The following PTPRD variants were observed in gnomAD, a reference collection of about 807,000 sequenced individuals.
PTPRD encodes protein tyrosine phosphatase receptor type D.
PTPRD carries 34 observed loss-of-function variants against 214.5 expected under a neutral mutation model. The observed-to-expected ratio is 0.16, with a 90% CI of 0.12 to 0.21. PTPRD has a LOEUF of 0.21. PTPRD is among the 10% of genes least tolerant of loss of function. The probability of loss-of-function intolerance (pLI) is 1.00; values close to 1 mark genes in which losing one functional copy is unlikely to be tolerated. For missense variants in PTPRD, 2,545 were observed against 2,398.7 expected (o/e 1.06, Z -1.27); for synonymous variants, 1,128 against 845.7 (o/e 1.33, Z -5.79).
intron 7 of PTPRD, among the ~76,000 whole-genome samples, chr9:9,620,051 AC>A (rs1231702385): frequency 2.6e-5 from 4 of 151,856 alleles, no homozygotes; most frequent in Admixed American, 2.0e-4. Context: ...GGCATTGTTA[AC>A]CTTGTATGGT....
intron 10 of PTPRD, among the ~76,000 whole-genome samples, chr9:9,158,164 T>G (rs1396519928): frequency 6.6e-6 from 1 of 152,204 alleles, no homozygotes; most frequent in Non-Finnish European, 1.5e-5. Context: ...TTGTAAATAG[T>G]GCTGCAGTGA....
Position 9,042,614 on chromosome 9 carries a change from C to CTTTT in PTPRD, c.-142-23883_-142-23880dup, listed in dbSNP as rs775574124. On this transcript the variant is annotated intron_variant, in intron 10 of 45. Transcript: ENST00000381196. Reference sequence around the variant, plus strand: ...CCACTTAGCATTTTTTCTTTTTTTTCTTTTCTTTTTTTTTTTTTTTGGTCT... The same window carrying CTTTT: ...CCACTTAGCATTTTTTCTTTTTTTTCTTTTTTTTCTTTTTTTTTTTTTTTGGTCT... 8.0e-5 allele frequency among the ~76,000 whole-genome samples: 9 copies of CTTTT among 112,440 alleles called. 1 individual carries two copies. Among genetic ancestry groups the CTTTT allele is most frequent in the African/African-American group, 1.8e-4 (5 of 27,592 alleles). 73.8% of individuals were successfully genotyped at this position (112,440 alleles called of 152,430 possible).
intron 8 of PTPRD, among the ~76,000 whole-genome samples, chr9:9,458,146 C>T (rs1158330046): frequency 6.6e-6 from 1 of 151,844 alleles, no homozygotes; most frequent in Non-Finnish European, 1.5e-5. Flanking sequence ...GTTTTCAGAG[C>T]ATAGAAGTTC....
Position 8,443,905 on chromosome 9 carries a change from T to G in PTPRD, c.3988+5820A>C, listed in dbSNP as rs187350487. Among the ~76,000 whole-genome samples, 7 of 152,290 alleles carry G rather than the reference T, an allele frequency of 4.6e-5. No homozygotes were observed. In the East Asian group the frequency reaches 1.2e-3, roughly 25 times the overall value. On this transcript the variant is annotated intron_variant, in intron 34 of 45. Transcript: ENST00000381196. The stretch of plus-strand genomic sequence containing the variant: ...AAATGAACACATATTAGTAATTTGT[T>G]TGGTTTTCTTATATATCACCATCTT...
At chr9:8,520,546 T>G (rs2138771805) in intron 20 of PTPRD, among the ~76,000 whole-genome samples, 1 of 152,254 alleles carries the variant, frequency 6.6e-6, no homozygotes, top group South Asian at 2.1e-4. Context: ...TGCAGAAAAC[T>G]TAAGTTGCCC....
At chr9:8,377,985 C>G (rs557630047) in intron 37 of PTPRD, among the ~76,000 whole-genome samples, 31 of 152,122 alleles carry the variant, frequency 2.0e-4, no homozygotes, top group Non-Finnish European at 3.5e-4. Context: ...TACAGAATTT[C>G]CCAGACAAGA....
chr9:8,723,902 G>C (rs933927953), intron 12 of PTPRD, among the ~76,000 whole-genome samples: 4 of 152,144 alleles, frequency 2.6e-5, no homozygotes, highest in Admixed American at 1.3e-4. Flanking sequence ...TAAGTACTTA[G>C]TGTATCTTAA....
At chr9:9,827,708 G>A (rs913086097) in intron 5 of PTPRD, among the ~76,000 whole-genome samples, 5 of 152,084 alleles carry the variant, frequency 3.3e-5, no homozygotes, top group African/African-American at 1.2e-4. Flanking sequence ...ACTATCATCA[G>A]AATGAACAGA....
At chr9:8,401,667 TC>T (rs1364772876) in intron 36 of PTPRD, among the ~76,000 whole-genome samples, 1 of 152,172 alleles carries the variant, frequency 6.6e-6, no homozygotes, top group Non-Finnish European at 1.5e-5. Flanking sequence ...TTTTAATTTT[TC>T]CCTGTTATTC....
At chr9:9,258,895 T>C (rs530710259) in intron 9 of PTPRD, among the ~76,000 whole-genome samples, 8 of 152,070 alleles carry the variant, frequency 5.3e-5, no homozygotes, top group Non-Finnish European at 1.0e-4. Flanking sequence ...AACGGATATC[T>C]AATTTTTTTA....
rs138672714 is a variant in PTPRD at position 9,593,938 on chromosome 9, A to G, written c.-286-19157T>C. 6.4e-4 allele frequency among the ~76,000 whole-genome samples: 97 copies of G among 152,176 alleles called. No individual in the cohort carries two copies. The East Asian group carries it at 0.019, about 29-fold the overall frequency. On this transcript the variant is annotated intron_variant, in intron 7 of 45. Transcript: ENST00000381196. ...ACTCTAATTTCAGAAGATCTCAGAT[A>G]TCTGTAACCTGAGAAAAGGGGATTG...
chr9:9,252,857 C>G (rs912963142), intron 9 of PTPRD, among the ~76,000 whole-genome samples: 6 of 152,088 alleles, frequency 3.9e-5, no homozygotes, highest in African/African-American at 1.4e-4. Flanking sequence ...AGATAACCAG[C>G]CAATCACACG....
intron 9 of PTPRD, among the ~76,000 whole-genome samples, chr9:9,299,238 T>C (rs1196348213): frequency 4.0e-5 from 6 of 151,758 alleles, no homozygotes; most frequent in African/African-American, 1.5e-4. Flanking sequence ...AGTTAATTAG[T>C]GAAAAAGCAA....
chr9:9,698,666 A>C (rs2097429301), intron 7 of PTPRD, among the ~76,000 whole-genome samples: 1 of 152,062 alleles, frequency 6.6e-6, no homozygotes, highest in South Asian at 2.1e-4. Context: ...ACGCCCTCCC[A>C]ATGCTTCCTA....
chr9:8,388,913 G>C (rs2088306135), intron 37 of PTPRD, among the ~76,000 whole-genome samples: 1 of 151,826 alleles, frequency 6.6e-6, no homozygotes, highest in Non-Finnish European at 1.5e-5. Flanking sequence ...TTGTTCAATG[G>C]TGTTTTTGAA....
chr9:9,219,551 TTC>T (rs1266225937), intron 9 of PTPRD, among the ~76,000 whole-genome samples: 2 of 152,172 alleles, frequency 1.3e-5, no homozygotes, highest in African/African-American at 4.8e-5. Flanking sequence ...ACATTTTAAA[TTC>T]TTTCCCAATA....
intron 3 of PTPRD, among the ~76,000 whole-genome samples, chr9:10,282,261 T>C (rs1234717109): frequency 6.6e-6 from 1 of 152,180 alleles, no homozygotes; most frequent in South Asian, 2.1e-4. Context: ...AGTAACTTAA[T>C]TGACATAGCA....
chr9:9,426,832 T>C (rs2382009), intron 8 of PTPRD, among the ~76,000 whole-genome samples: 29,225 of 152,104 alleles, frequency 0.19, 3,359 homozygotes, highest in East Asian at 0.45. Context: ...CTAACAGACC[T>C]GCAGCTGAGG....
intron 36 of PTPRD, among the ~76,000 whole-genome samples, chr9:8,402,269 C>G (rs756531685): frequency 6.6e-6 from 1 of 152,130 alleles, no homozygotes; most frequent in African/African-American, 2.4e-5. Flanking sequence ...GACAGGTTTT[C>G]GTGTGATTCA....
Sources: gnomAD v4.1 joint callset for allele counts (sites outside exome capture counted in the v4.1 genomes callset) on GRCh38, gnomAD v4.1.1 for gene constraint, MANE v1.5 for transcripts, NCBI Gene and HGNC (gene_info 2026-07-23, HGNC 2026-07-21) for gene names.